SLC44A5: variants seen among roughly 807,000 people sequenced by gnomAD.
SLC44A5 encodes solute carrier family 44 member 5, also known as choline transporter-like protein 5.
Under a neutral mutation model 101.8 loss-of-function variants are expected in SLC44A5, and 57 were observed. That is an observed-to-expected ratio of 0.56 (90% CI 0.45 to 0.70). SLC44A5 has a LOEUF of 0.70. SLC44A5 is among the 30% of genes least tolerant of loss of function. The pLI is 0.00. For missense variants in SLC44A5, 737 were observed against 853.1 expected (o/e 0.86, Z 1.70); for synonymous variants, 281 against 290.9 (o/e 0.97, Z 0.35).
At chr1:75,386,078 T>C (rs1462836321) in intron 3 of SLC44A5, among the ~76,000 whole-genome samples, 1 of 151,994 alleles carries the variant, frequency 6.6e-6, no homozygotes, top group Non-Finnish European at 1.5e-5. Flanking sequence ...AAGAGCTATC[T>C]ATGACAAACC....
chr1:75,341,958 G>C (rs1457393864), intron 3 of SLC44A5, among the ~76,000 whole-genome samples: 1 of 152,142 alleles, frequency 6.6e-6, no homozygotes, highest in Non-Finnish European at 1.5e-5. Flanking sequence ...AACTGACTCT[G>C]ATGCACAGAC....
intron 23 of SLC44A5, among the ~76,000 whole-genome samples, chr1:75,208,137 C>G (rs897280548): frequency 6.6e-6 from 1 of 152,152 alleles, no homozygotes; most frequent in Admixed American, 6.5e-5. Flanking sequence ...TTGCTAAGAT[C>G]TACATAAGAA....
chr1:75,260,154 G>A (rs1236298280), intron 6 of SLC44A5, among the ~76,000 whole-genome samples: 4 of 152,156 alleles, frequency 2.6e-5, no homozygotes, highest in East Asian at 3.9e-4. Context: ...CATCATAATG[G>A]CAGGATCAAA....
chr1:75,681,921 A>G, the SLC44A5 span, among the ~76,000 whole-genome samples: 1 of 152,220 alleles, frequency 6.6e-6, no homozygotes, highest in Non-Finnish European at 1.5e-5. Flanking sequence ...CTCAGGATAC[A>G]AAATCAATGT....
chr1:75,491,941 AC>A (rs760335518), intron 2 of SLC44A5, among the ~76,000 whole-genome samples: 4 of 152,102 alleles, frequency 2.6e-5, no homozygotes, highest in Non-Finnish European at 4.4e-5. Context: ...TTTTTATTCT[AC>A]CTTTTGTTCT....
At chr1:75,436,254 G>A (rs191166275) in intron 2 of SLC44A5, among the ~76,000 whole-genome samples, 8 of 151,996 alleles carry the variant, frequency 5.3e-5, no homozygotes, top group African/African-American at 7.2e-5. Flanking sequence ...TAATTATCAC[G>A]ATGAATTTAA....
the SLC44A5 span, among the ~76,000 whole-genome samples, chr1:75,639,763 G>A: frequency 6.6e-6 from 1 of 152,078 alleles, no homozygotes; most frequent in East Asian, 1.9e-4. Context: ...AGGTAACTGG[G>A]AATCTGCTTG....
At chr1:75,600,311 G>A (rs1674895772) in intron 1 of SLC44A5, among the ~76,000 whole-genome samples, 1 of 151,880 alleles carries the variant, frequency 6.6e-6, no homozygotes, top group Non-Finnish European at 1.5e-5. Flanking sequence ...AAGACTAGAT[G>A]GTAAACTACA....
intron 3 of SLC44A5, among the ~76,000 whole-genome samples, chr1:75,359,482 C>A (rs1392213104): frequency 3.3e-5 from 5 of 151,846 alleles, no homozygotes; most frequent in South Asian, 2.1e-4. Flanking sequence ...CTCAAGCAAT[C>A]CACCCACCTT....
At chr1:75,270,237 T>G (rs750995935) in intron 6 of SLC44A5, among the ~76,000 whole-genome samples, 2 of 152,156 alleles carry the variant, frequency 1.3e-5, no homozygotes, top group African/African-American at 2.4e-5. Context: ...CTTGCATTTT[T>G]GTAAATATTT....
intron 2 of SLC44A5, among the ~76,000 whole-genome samples, chr1:75,514,455 C>A (rs957553196): frequency 8.5e-5 from 13 of 152,180 alleles, no homozygotes; most frequent in African/African-American, 2.9e-4. Flanking sequence ...GAAATGCTAA[C>A]ATGGCATCCA....
In SLC44A5 at chr1:75,398,368, C is replaced by G; in HGVS notation, c.14-1747G>C. ...AGTAAATTTCACCTGCAGACCCAGT[C>G]CCATTTGGAATCAGTGCCGGGTATA... is the stretch of plus-strand genomic sequence containing the variant. On this transcript the variant is annotated intron_variant, in intron 2 of 23. Coordinates refer to ENST00000370859, the MANE Select transcript of SLC44A5 (RefSeq NM_001130058.2). 4 of 985,328 alleles carry G rather than the reference C, an allele frequency of 4.1e-6. No individual in the cohort carries two copies. The South Asian group carries it at 1.4e-4, about 35-fold the overall frequency. The allele number at this position is 985,328 out of a possible 1,614,324, so 61.0% of individuals were successfully genotyped here.
chr1:75,673,193 A>G, the SLC44A5 span, among the ~76,000 whole-genome samples: 1 of 151,678 alleles, frequency 6.6e-6, no homozygotes, highest in South Asian at 2.1e-4. Context: ...GGCTTTTCTA[A>G]ACCTGCCCTG....
chr1:75,667,343 T>C, the SLC44A5 span, among the ~76,000 whole-genome samples: 3 of 151,790 alleles, frequency 2.0e-5, no homozygotes, highest in Non-Finnish European at 2.9e-5. Flanking sequence ...ACTAAGAGAA[T>C]AAAATACCTA....
chr1:75,612,481 A>T (rs1233813239), upstream of SLC44A5, among the ~76,000 whole-genome samples: 1 of 152,142 alleles, frequency 6.6e-6, no homozygotes, highest in Non-Finnish European at 1.5e-5. Flanking sequence ...ACTCTTCATC[A>T]CTTGTTTCCC....
chr1:75,389,757 G>A (rs1183685723), intron 3 of SLC44A5, among the ~76,000 whole-genome samples: 1 of 152,006 alleles, frequency 6.6e-6, no homozygotes, highest in Non-Finnish European at 1.5e-5. Context: ...AGAGGAACTA[G>A]AAAAACAAGA....
chr1:75,617,634 G>C, the SLC44A5 span, among the ~76,000 whole-genome samples: 600 of 152,244 alleles, frequency 3.9e-3, 6 homozygotes, highest in African/African-American at 0.014. Context: ...CTCTCACAAT[G>C]AAGATGTGCA....
intron 2 of SLC44A5, among the ~76,000 whole-genome samples, chr1:75,447,623 G>C (rs1319643605): frequency 6.6e-6 from 1 of 152,108 alleles, no homozygotes; most frequent in African/African-American, 2.4e-5. Context: ...TGTAGAGCAT[G>C]TAAACCCTTC....
chr1:75,722,004 G>C, the SLC44A5 span, among the ~76,000 whole-genome samples: 6 of 152,154 alleles, frequency 3.9e-5, no homozygotes, highest in African/African-American at 1.4e-4. Flanking sequence ...ATGTGATAAA[G>C]GTTTTATAGG....
Sources: gnomAD v4.1 joint callset for allele counts (sites outside exome capture counted in the v4.1 genomes callset) on GRCh38, gnomAD v4.1.1 for gene constraint, MANE v1.5 for transcripts, NCBI Gene and HGNC (gene_info 2026-07-23, HGNC 2026-07-21) for gene names.